The following OBSL1 variants were observed in gnomAD, a reference collection of about 807,000 sequenced individuals.
OBSL1 encodes obscurin like cytoskeletal adaptor 1.
Under a neutral mutation model 172.0 loss-of-function variants are expected in OBSL1, and 160 were observed. The ratio of observed to expected loss-of-function variants is 0.93; its 90% confidence interval spans 0.82 to 1.06. The LOEUF (loss-of-function observed/expected upper bound fraction) is 1.06, where lower values mean the gene tolerates loss of function less well. Ranked by LOEUF, OBSL1 falls within the 50% of genes least tolerant of loss-of-function variation. The pLI is 0.00. For missense variants in OBSL1, 2,681 were observed against 2,715.4 expected (o/e 0.99, Z 0.28); for synonymous variants, 1,200 against 1,196.3 (o/e 1.00, Z -0.06).
In OBSL1 at chr2:219,553,646, C is replaced by T. The variant is rs1251800569; in HGVS notation, c.4917G>A (p.Glu1639=). ...ACGTAGCTGTGTCGCCCTCGGTCAC[C>T]TCTAGGTCGTGTGGCCCCCGCACGA... ...VTIVRGPHDL[E]VTEGDTATFE... is the part of the protein sequence containing the mutation. Residue 1639 remains glutamate, a synonymous_variant, in exon 16 of 21, where the codon GAG becomes GAA. Transcript: ENST00000404537. The T allele has an allele frequency of 6.2e-7, 1 of 1,613,762 alleles. No homozygotes were observed. The highest frequency in any genetic ancestry group is 1.3e-5 in the African/African-American group (1 of 74,912).
chr2:219,562,772 G>T, intron 7 of OBSL1, 98 bp from the exon 8 acceptor site: 1 of 1,333,620 alleles, frequency 7.5e-7, no homozygotes. Context: ...TAGGCCATGT[G>T]TTGAAGAGGG....
Position 219,556,628 on chromosome 2 carries a change from C to T in OBSL1, c.4162G>A (p.Ala1388Thr). 1 of 1,613,958 alleles carries T rather than the reference C, an allele frequency of 6.2e-7. No homozygotes were observed. Among genetic ancestry groups the T allele is most frequent in the Non-Finnish European group, 8.5e-7 (1 of 1,179,876 alleles). The change falls in exon 13 of 21, where the codon GCC becomes ACC. Residue 1388 changes from alanine (A) to threonine (T), a missense_variant. Coordinates refer to ENST00000404537, the MANE Select transcript of OBSL1 (RefSeq NM_015311.3). ...CCATTGCGCAGCCAGGTGACATCGG[C>T]ATCTGGTGGGGAGACTTCACACCGG... Reference protein sequence around the residue: ...TFRCEVSPPDADVTWLRNGAV... With the variant: ...TFRCEVSPPDTDVTWLRNGAV...
chr2:219,551,714 GAC>G lies in OBSL1; in HGVS notation c.5496_5497del (p.Ser1833ProfsTer20), dbSNP rs781726335. The G allele has an allele frequency of 1.2e-5, 20 of 1,610,074 alleles. No individual in the cohort carries two copies. Among genetic ancestry groups the G allele is most frequent in the Non-Finnish European group, 1.6e-5 (19 of 1,178,868 alleles). On this transcript the variant is annotated frameshift_variant, in exon 20 of 21. Transcript: ENST00000404537. LOFTEE classifies it high-confidence loss of function. Reference sequence around the variant, plus strand: ...CCAGCACACGTGGCCCCCCGAGCGGGACACAGTCACCTCCAGCACCGCCCGGC... The same window carrying G: ...CCAGCACACGTGGCCCCCCGAGCGGGACAGTCACCTCCAGCACCGCCCGGC...
intron 14 of OBSL1, 29 bp from the exon 15 acceptor site, chr2:219,554,769 A>T (rs1446392216): frequency 1.3e-6 from 2 of 1,518,964 alleles, no homozygotes; most frequent in Non-Finnish European, 1.8e-6. Flanking sequence ...GAGAGGGAGG[A>T]TGAGGCCTCC....
Position 219,550,848 on chromosome 2 carries a change from G to T in OBSL1, c.5684-6C>A. The T allele has an allele frequency of 2.5e-6, 4 of 1,609,546 alleles. No homozygotes were observed. Among genetic ancestry groups the T allele is most frequent in the Non-Finnish European group, 3.4e-6 (4 of 1,178,378 alleles). ...GGTTAGGTTCTCCTAGTTGCCTGCA[G>T]AGGAATGACTCCACATGGGGCTGGG... is the stretch of plus-strand genomic sequence containing the variant. On this transcript the variant is annotated splice_region_variant and splice_polypyrimidine_tract_variant and intron_variant, in intron 20 of 20. Coordinates refer to ENST00000404537, the MANE Select transcript of OBSL1 (RefSeq NM_015311.3).
At chr2:219,562,280 G>T in intron 8 of OBSL1, 122 bp downstream of exon 8, 1 of 1,252,262 alleles carries the variant, frequency 8.0e-7, no homozygotes, top group Non-Finnish European at 1.1e-6. Flanking sequence ...CAAGAACCCT[G>T]GCACATGCAC....
In OBSL1 at chr2:219,556,549, C is replaced by CAA. The variant is rs771765741; in HGVS notation, c.4240_4241insTT (p.Arg1414LeufsTer4). On this transcript the variant is annotated frameshift_variant, in exon 13 of 21. Coordinates refer to ENST00000404537, the MANE Select transcript of OBSL1 (RefSeq NM_015311.3). LOFTEE classifies it high-confidence loss of function. ...TTGGCAGCCTCGCAAGGTTAAGATG[C>CAA]GGCTTGAACCATTCTGGGCCATCTC... 6.2e-7 allele frequency: 1 copy of CAA among 1,613,852 alleles called. No individual in the cohort carries two copies. Among genetic ancestry groups the CAA allele is most frequent in the African/African-American group, 1.3e-5 (1 of 74,930 alleles).
Position 219,565,468 on chromosome 2 carries a change from G to T in OBSL1, c.2181C>A (p.Thr727=), listed in dbSNP as rs199883250. 36 of 1,612,708 alleles carry T rather than the reference G, an allele frequency of 2.2e-5. No homozygotes were observed. Among genetic ancestry groups the T allele is most frequent in the Non-Finnish European group, 3.1e-5 (36 of 1,179,866 alleles). ...ILSPQDRVSL[T]FTTSERVVLT... ...GCACCACCCGCTCTGAGGTTGTGAA[G>T]GTCAACGACACCCTGTCCTGGGGGC... The change falls in exon 6 of 21, where the codon ACC becomes ACA. Residue 727 remains threonine, a synonymous_variant. Transcript: ENST00000404537.
At position 219,557,840 on chromosome 2, in the gene OBSL1, A is replaced by C. The variant is rs1432449471; in HGVS notation, c.3773T>G (p.Phe1258Cys). The C allele has an allele frequency of 5.0e-6, 8 of 1,598,826 alleles. 1 individual carries two copies. The Admixed American group carries it at 1.3e-4, about 27-fold the overall frequency. Residue 1258 changes from phenylalanine (F) to cysteine (C), a missense_variant, in exon 11 of 21, where the codon TTC (phenylalanine) becomes TGC (cysteine). By Grantham distance (205) the Phe-to-Cys change is radical. Around this residue, in one of 5 missense-constraint regions of OBSL1, gnomAD observed 1,765 missense variants for 1,748.3 expected, o/e 1.01. Transcript: ENST00000404537. ...GTACTCACCAGCCACCTGGACGGTGAAGCTGAGGCTTGGGGCTCCGGGGGC... is the reference window on the plus strand; with the variant it reads ...GTACTCACCAGCCACCTGGACGGTGCAGCTGAGGCTTGGGGCTCCGGGGGC... ...GAAPGAPSLS[F>C]TVQVAEPPVR... is the part of the protein sequence containing the mutation.
Position 219,563,131 on chromosome 2 carries a change from A to C in OBSL1, c.2680+224T>G, listed in dbSNP as rs1696619341. On this transcript the variant is annotated intron_variant, in intron 7 of 20. Transcript: ENST00000404537. Reference sequence around the variant, plus strand: ...TCCCTTGGTACAGGTTTTCAGGAGAATAGAGAAAGCCAGGCTTCCTTAGCC... The same window carrying C: ...TCCCTTGGTACAGGTTTTCAGGAGACTAGAGAAAGCCAGGCTTCCTTAGCC... 3 of 536,632 alleles carry C rather than the reference A, an allele frequency of 5.6e-6. 1 individual carries two copies. The South Asian group carries it at 1.0e-4, about 18-fold the overall frequency. 33.2% of individuals were successfully genotyped at this position (536,632 alleles called of 1,614,324 possible). A position where few individuals can be genotyped will look rare whatever the true frequency, so the allele number is the denominator to read the frequency against.
At chr2:219,553,470 C>G in intron 16 of OBSL1, 104 bp downstream of exon 16, 2 of 852,380 alleles carry the variant, frequency 2.3e-6, no homozygotes, top group South Asian at 1.4e-5. Flanking sequence ...AATCTTAGCA[C>G]AGTGCCAGGC....
chr2:219,557,811 G>A lies in OBSL1; in HGVS notation c.3790+12C>T. 6.3e-7 allele frequency: 1 copy of A among 1,592,946 alleles called. No individual in the cohort carries two copies. Among genetic ancestry groups the A allele is most frequent in the East Asian group, 2.2e-5 (1 of 44,858 alleles). On this transcript the variant is annotated intron_variant, in intron 11 of 20. Transcript: ENST00000404537. ...GTGCCACTCTCAGGCTTAATGCCCA[G>A]GCTGTACTCACCAGCCACCTGGACG...
rs750660554 is a variant in OBSL1 at position 219,567,104 on chromosome 2, T to G, written c.1860A>C (p.Ala620=). Residue 620 remains alanine (A), a synonymous_variant, in exon 5 of 21, where the codon GCA becomes GCC. Transcript: ENST00000404537. ...CGTATACCTGCACATCCTCCAGACCTGCCACCAGGCGAGCTGTGGGCACTG... is the reference window on the plus strand; with the variant it reads ...CGTATACCTGCACATCCTCCAGACCGGCCACCAGGCGAGCTGTGGGCACTG... The part of the protein sequence containing the change: ...AHLVPTARLV[A]GLEDVQVYDG... 20 of 1,613,046 alleles carry G rather than the reference T, an allele frequency of 1.2e-5. No individual in the cohort carries two copies. The South Asian group carries it at 2.0e-4, about 16-fold the overall frequency.
At chr2:219,565,067 CA>C (rs1259215349) in intron 6 of OBSL1, among the ~76,000 whole-genome samples, 174 bp downstream of exon 6, 1 of 151,546 alleles carries the variant, frequency 6.6e-6, no homozygotes, top group Admixed American at 6.6e-5. Flanking sequence ...AGCCTGTCTC[CA>C]AAAAAAACAA....
In OBSL1 at chr2:219,554,673, G is replaced by A. The variant is rs1293974357; in HGVS notation, c.4677C>T (p.Phe1559=). The A allele has an allele frequency of 1.9e-6, 3 of 1,599,070 alleles. No homozygotes were observed. The Admixed American group carries it at 5.2e-5, about 28-fold the overall frequency. ...VTISEGGSAT[F]QLELSQEGVT... ...CACCTTCCTGGGACAGCTCCAGCTG[G>A]AAGGTGGCACTGCCCCCCTCACTGA... Residue 1559 remains phenylalanine (F), a synonymous_variant, in exon 15 of 21, where the codon TTC becomes TTT. Transcript: ENST00000404537.
chr2:219,571,298 G>A lies in OBSL1; in HGVS notation c.-66C>T. On this transcript the variant is annotated 5_prime_UTR_variant, in exon 1 of 21. Transcript: ENST00000404537. ...CAGGGGGGGGTGCGGAGGGCGAGCC[G>A]AGGCCCGGGGCGGCGGGGTCGGGGC... is the stretch of plus-strand genomic sequence containing the variant. The A allele has an allele frequency of 2.0e-6, 2 of 985,550 alleles. No individual in the cohort carries two copies. Among genetic ancestry groups the A allele is most frequent in the Non-Finnish European group, 1.3e-6 (1 of 763,522 alleles). 61.1% of individuals were successfully genotyped at this position (985,550 alleles called of 1,614,324 possible). A position where few individuals can be genotyped will look rare whatever the true frequency, so the allele number is the denominator to read the frequency against.
chr2:219,565,369 C>T lies in OBSL1; in HGVS notation c.2280G>A (p.Glu760=). 6.2e-7 allele frequency: 1 copy of T among 1,614,048 alleles called. No individual in the cohort carries two copies. Among genetic ancestry groups the T allele is most frequent in the Non-Finnish European group, 8.5e-7 (1 of 1,179,904 alleles). ...GCCCATCCATCTTCACCACCAGCAACTCGCTCTCCTCCACCTTCTGCCCAT... is the reference window on the plus strand; with the variant it reads ...GCCCATCCATCTTCACCACCAGCAATTCGCTCTCCTCCACCTTCTGCCCAT... ...YKDGQKVEES[E]LLVVKMDGRK... is the part of the protein sequence containing the mutation. Residue 760 remains glutamate, a synonymous_variant, in exon 6 of 21, where the codon GAG becomes GAA. Coordinates refer to ENST00000404537, the MANE Select transcript of OBSL1 (RefSeq NM_015311.3).
chr2:219,551,475 A>C, intron 20 of OBSL1, 54 bp downstream of exon 20: 1 of 1,517,876 alleles, frequency 6.6e-7, no homozygotes, highest in Non-Finnish European at 8.9e-7. Context: ...GGCTTAACCC[A>C]TCAGCTCCCA....
In OBSL1 at chr2:219,571,087, C is replaced by T. The variant is rs756886513; in HGVS notation, c.146G>A (p.Gly49Glu). 24 of 1,468,458 alleles carry T rather than the reference C, an allele frequency of 1.6e-5. No homozygotes were observed. Among genetic ancestry groups the T allele is most frequent in the Non-Finnish European group, 8.1e-6 (9 of 1,113,752 alleles). The allele number at this position is 1,468,458 out of a possible 1,614,324, so 91.0% of individuals were successfully genotyped here. A position where few individuals can be genotyped will look rare whatever the true frequency, so the allele number is the denominator to read the frequency against. The change falls in exon 1 of 21, where the codon GGG becomes GAG. Residue 49 changes from glycine to glutamate, a missense_variant. By Grantham distance (98) the Gly-to-Glu change is moderately conservative (BLOSUM62 -2). Around this residue, in one of 5 missense-constraint regions of OBSL1, gnomAD observed 90 missense variants for 76.6 expected, o/e 1.18. Transcript: ENST00000404537. ...GCGTTCCGAGGCCGCCAGCTGCTGC[C>T]CGCCCTTCTCCCACACCACTACAGG... ...PPPVVVWEKGGQQLAASERLS... is the reference protein window; with the variant it reads ...PPPVVVWEKGEQQLAASERLS...
Sources: allele counts gnomAD v4.1 joint callset (sites outside exome capture counted in the v4.1 genomes callset), GRCh38; gene constraint gnomAD v4.1.1; regional missense constraint gnomAD v4.1.1; transcripts MANE v1.5; gene names NCBI Gene and HGNC (gene_info 2026-07-23, HGNC 2026-07-21).